The following WWOX variants were observed in gnomAD, a reference collection of about 807,000 sequenced individuals.
The protein encoded by WWOX is WW domain containing oxidoreductase.
WWOX carries 69 observed loss-of-function variants against 46.2 expected under a neutral mutation model. The observed-to-expected ratio is 1.49, with a 90% CI of 1.23 to 1.82. The LOEUF is 1.82. WWOX is among the 40% of genes most tolerant of loss of function. WWOX has a pLI of 0.00. For missense variants in WWOX, 919 were observed against 542.6 expected (o/e 1.69, Z -6.89); for synonymous variants, 359 against 202.6 (o/e 1.77, Z -6.56).
At chr16:79,085,053 A>G (rs1364780252) in intron 8 of WWOX, among the ~76,000 whole-genome samples, 1 of 152,122 alleles carries the variant, frequency 6.6e-6, no homozygotes, top group Non-Finnish European at 1.5e-5. Context: ...AGCCTCCCAA[A>G]GTGCTGGGAT....
At chr16:78,968,294 C>T (rs946296062) in intron 8 of WWOX, among the ~76,000 whole-genome samples, 3 of 152,206 alleles carry the variant, frequency 2.0e-5, no homozygotes, top group Middle Eastern at 3.2e-3. Context: ...TAGTCCTACC[C>T]GTAGGAATCC....
At chr16:78,378,009 G>C (rs1057191680) in intron 5 of WWOX, among the ~76,000 whole-genome samples, 1 of 152,058 alleles carries the variant, frequency 6.6e-6, no homozygotes, top group South Asian at 2.1e-4. Context: ...GTAGGAAGGG[G>C]ACCTGATGGA....
chr16:78,692,886 A>G (rs1234295062), intron 8 of WWOX, among the ~76,000 whole-genome samples: 1 of 152,214 alleles, frequency 6.6e-6, no homozygotes, highest in Admixed American at 6.5e-5. Context: ...GTAAAAACAA[A>G]CATGAATATT....
At chr16:78,615,361 T>G (rs1214666337) in intron 8 of WWOX, among the ~76,000 whole-genome samples, 3 of 152,104 alleles carry the variant, frequency 2.0e-5, no homozygotes, top group Non-Finnish European at 4.4e-5. Flanking sequence ...AAAAAGAAGT[T>G]GTTGGGGCTG....
chr16:78,268,021 G>A (rs1263359008), intron 5 of WWOX, among the ~76,000 whole-genome samples: 1 of 151,972 alleles, frequency 6.6e-6, no homozygotes, highest in South Asian at 2.1e-4. Flanking sequence ...GTTTTGCCAT[G>A]TTGCCCAGGC....
intron 8 of WWOX, among the ~76,000 whole-genome samples, chr16:79,048,210 C>G (rs1025421259): frequency 2.6e-5 from 4 of 152,122 alleles, no homozygotes; most frequent in Non-Finnish European, 5.9e-5. Flanking sequence ...AAGGGCAGGC[C>G]AGGAGGGAGC....
In WWOX at chr16:78,706,269, T is replaced by C. The variant is rs1357956213; in HGVS notation, c.1056+273517T>C. The stretch of plus-strand genomic sequence containing the variant: ...TTATTTGACCCATATAAACTTTGTC[T>C]GTCTGTGTCTGTCAGTCTCACACAC... On this transcript the variant is annotated intron_variant, in intron 8 of 8. Coordinates refer to ENST00000566780, the MANE Select transcript of WWOX (RefSeq NM_016373.4). 2.6e-5 allele frequency among the ~76,000 whole-genome samples: 4 copies of C among 152,270 alleles called. No homozygotes were observed. The East Asian group carries it at 7.7e-4, about 29-fold the overall frequency.
chr16:78,247,129 T>G (rs1465678708), intron 5 of WWOX, among the ~76,000 whole-genome samples: 1 of 152,012 alleles, frequency 6.6e-6, no homozygotes, highest in Non-Finnish European at 1.5e-5. Context: ...CCAGCCCCCT[T>G]TTTTTCAGCC....
At chr16:79,051,015 C>G (rs2048156480) in intron 8 of WWOX, among the ~76,000 whole-genome samples, 1 of 152,248 alleles carries the variant, frequency 6.6e-6, no homozygotes, top group Non-Finnish European at 1.5e-5. Context: ...CGTCACGGCT[C>G]TTCGCCCATT....
At chr16:78,582,586 G>A (rs1485451023) in intron 8 of WWOX, among the ~76,000 whole-genome samples, 4 of 152,164 alleles carry the variant, frequency 2.6e-5, no homozygotes, top group Non-Finnish European at 5.9e-5. Context: ...GTTGATCAAT[G>A]ACACCTTTAC....
intron 8 of WWOX, among the ~76,000 whole-genome samples, chr16:78,937,319 C>G (rs1307874254): frequency 1.3e-5 from 2 of 151,982 alleles, no homozygotes; most frequent in African/African-American, 2.4e-5. Flanking sequence ...TTTAATTATG[C>G]TAATTTGATA....
At chr16:78,297,147 C>T (rs1843276420) in intron 5 of WWOX, among the ~76,000 whole-genome samples, 1 of 152,124 alleles carries the variant, frequency 6.6e-6, no homozygotes, top group African/African-American at 2.4e-5. Flanking sequence ...CCTGGGGAGT[C>T]ATTGACACCC....
intron 8 of WWOX, among the ~76,000 whole-genome samples, chr16:79,210,459 T>G (rs1427953978): frequency 6.6e-6 from 1 of 152,116 alleles, no homozygotes; most frequent in Non-Finnish European, 1.5e-5. Flanking sequence ...ATGATAAGCT[T>G]TGGGTCGGGT....
chr16:78,647,515 G>A (rs1271646751), intron 8 of WWOX, among the ~76,000 whole-genome samples: 1 of 152,174 alleles, frequency 6.6e-6, no homozygotes, highest in Non-Finnish European at 1.5e-5. Context: ...AGAAGGGAAT[G>A]GATGTCTGAG....
chr16:79,042,727 G>C (rs921143678), intron 8 of WWOX, among the ~76,000 whole-genome samples: 1 of 60,274 alleles, frequency 1.7e-5, no homozygotes, highest in South Asian at 5.5e-4. Flanking sequence ...GAATACTCAG[G>C]GTTTTTTTTT....
intron 8 of WWOX, among the ~76,000 whole-genome samples, chr16:79,137,438 C>A (rs2050003916): frequency 1.3e-5 from 2 of 152,156 alleles, no homozygotes; most frequent in African/African-American, 2.4e-5. Context: ...AGACAGAATT[C>A]ACTTATGAAT....
chr16:78,221,430 A>G (rs759819759), intron 5 of WWOX, among the ~76,000 whole-genome samples: 2 of 152,164 alleles, frequency 1.3e-5, no homozygotes, highest in African/African-American at 4.8e-5. Context: ...ACGTTACTTT[A>G]ATTGTGTACT....
intron 8 of WWOX, among the ~76,000 whole-genome samples, chr16:78,906,088 G>T (rs562566100): frequency 6.6e-6 from 1 of 152,170 alleles, no homozygotes; most frequent in East Asian, 1.9e-4. Flanking sequence ...CTTGGTTAGG[G>T]ACCTTGAGTA....
At chr16:78,676,554 C>T (rs1391820303) in intron 8 of WWOX, among the ~76,000 whole-genome samples, 3 of 152,124 alleles carry the variant, frequency 2.0e-5, no homozygotes, top group African/African-American at 4.8e-5. Context: ...CTAAAATCAT[C>T]ATCATGTATT....
Sources: allele counts gnomAD v4.1 joint callset (sites outside exome capture counted in the v4.1 genomes callset), GRCh38; gene constraint gnomAD v4.1.1; transcripts MANE v1.5; gene names NCBI Gene and HGNC (gene_info 2026-07-23, HGNC 2026-07-21).